C1GALT1: variants seen among roughly 807,000 people sequenced by gnomAD.
C1GALT1 encodes the protein glycoprotein-N-acetylgalactosamine 3-beta-galactosyltransferase 1.
C1GALT1 carries 11 observed loss-of-function variants against 31.0 expected under a neutral mutation model. The observed-to-expected ratio is 0.36, with a 90% CI of 0.22 to 0.59. The LOEUF (loss-of-function observed/expected upper bound fraction) is 0.59. Ranked by LOEUF, C1GALT1 falls within the 20% of genes least tolerant of loss-of-function variation. C1GALT1 has a pLI of 0.79. For synonymous variants in C1GALT1, 175 were observed against 143.6 expected, an observed-to-expected ratio of 1.22 and a Z score of -1.56; for missense variants, 424 against 425.2, an observed-to-expected ratio of 1.00 and a Z score of 0.03.
chr7:7,168,968 G>T (rs1389661672), intron 2 of C1GALT1, among the ~76,000 whole-genome samples: 1 of 152,156 alleles, frequency 6.6e-6, no homozygotes, highest in Non-Finnish European at 1.5e-5. Context: ...ACCACTATCT[G>T]TTAATGAAGC....
intron 1 of C1GALT1, chr7:7,183,639 G>C: frequency 3.1e-6 from 3 of 976,662 alleles, no homozygotes; most frequent in Non-Finnish European, 3.6e-6. Context: ...TAGCGCTGTG[G>C]ATTTATTCTT....
chr7:7,204,342 C>T (rs1781648464), intron 1 of C1GALT1, among the ~76,000 whole-genome samples: 1 of 151,928 alleles, frequency 6.6e-6, no homozygotes, highest in African/African-American at 2.4e-5. Context: ...CTAGGTTATG[C>T]AGTTGTTGAC....
At chr7:7,181,738 G>A (rs1780592938), upstream of C1GALT1, among the ~76,000 whole-genome samples, 1 of 152,110 alleles carries the variant, frequency 6.6e-6, no homozygotes, top group Non-Finnish European at 1.5e-5. Flanking sequence ...GCTTGGATAG[G>A]GCATTTAAAG....
chr7:7,236,317 AACCTGTCTT>A (rs1783348161), intron 2 of C1GALT1, among the ~76,000 whole-genome samples: 1 of 152,150 alleles, frequency 6.6e-6, no homozygotes, highest in South Asian at 2.1e-4. Context: ...GCGGTGGACA[AACCTGTCTT>A]ACCTGAATGA....
At chr7:7,234,638 T>A in intron 2 of C1GALT1, 99 bp downstream of exon 2, 1 of 797,002 alleles carries the variant, frequency 1.3e-6, no homozygotes. Flanking sequence ...GGCTATATAT[T>A]CCAGATATTA....
intron 2 of C1GALT1, among the ~76,000 whole-genome samples, chr7:7,170,698 C>T (rs1182690491): frequency 6.6e-6 from 1 of 152,200 alleles, no homozygotes; most frequent in Non-Finnish European, 1.5e-5. Flanking sequence ...AAGAGAATCA[C>T]TTGAACCCAG....
chr7:7,191,797 T>G (rs1406443970), intron 1 of C1GALT1, among the ~76,000 whole-genome samples: 1 of 151,974 alleles, frequency 6.6e-6, no homozygotes, highest in African/African-American at 2.4e-5. Context: ...TATTTGAGTC[T>G]TTTGCACATT....
intron 2 of C1GALT1, among the ~76,000 whole-genome samples, chr7:7,175,168 G>A (rs73043789): frequency 0.057 from 8,737 of 152,204 alleles, 334 homozygotes; most frequent in East Asian, 0.17. Context: ...CAGTTTATTT[G>A]ATGCCTGTCT....
chr7:7,174,989 G>A (rs74439276), intron 2 of C1GALT1, among the ~76,000 whole-genome samples: 3,647 of 152,000 alleles, frequency 0.024, 132 homozygotes, highest in African/African-American at 0.083. Context: ...CATTTATTTT[G>A]TTCCTTTGAA....
Position 7,238,596 on chromosome 7 carries a change from C to T in C1GALT1, c.562C>T (p.Pro188Ser), listed in dbSNP as rs749646834. The change falls in exon 3 of 4, where the codon CCT becomes TCT. Residue 188 changes from proline (P) to serine (S), a missense_variant. Pro to Ser is a moderately conservative substitution (Grantham distance 74). Transcript: ENST00000436587. The surrounding 1 kb of genome is among the most constrained non-coding windows in gnomAD (Gnocchi z 5.2). Reference protein sequence around the residue: ...NLRWLLSKYDPEEPIYFGRRF... With the variant: ...NLRWLLSKYDSEEPIYFGRRF... ...GAGGTGGCTTCTTTCAAAATACGAC[C>T]CTGAAGAACCCATTTACTTTGGGAG... The T allele has an allele frequency of 3.7e-6, 6 of 1,613,970 alleles. No homozygotes were observed. In the East Asian group the frequency reaches 1.3e-4, roughly 36 times the overall value.
chr7:7,179,637 C>T (rs902363804), upstream of C1GALT1, among the ~76,000 whole-genome samples: 2 of 152,096 alleles, frequency 1.3e-5, no homozygotes, highest in Non-Finnish European at 2.9e-5. Flanking sequence ...TTGATACTTA[C>T]AACAGACAAT....
In C1GALT1 at chr7:7,185,841, G is replaced by A. The variant is rs146507132; in HGVS notation, c.-18+3021G>A. On this transcript the variant is annotated intron_variant, in intron 1 of 3. Transcript: ENST00000436587. ...AGTTGCACGGTTTATCTTTTACATC[G>A]TTCAGTAAATGTTTAGCATTATAGA... is the stretch of plus-strand genomic sequence containing the variant. Among the ~76,000 whole-genome samples, 21 of 152,304 alleles carry A rather than the reference G, an allele frequency of 1.4e-4. No homozygotes were observed. The East Asian group carries it at 1.9e-3, about 14-fold the overall frequency.
intron 1 of C1GALT1, among the ~76,000 whole-genome samples, chr7:7,213,846 C>T (rs974420725): frequency 1.3e-5 from 2 of 152,082 alleles, no homozygotes; most frequent in African/African-American, 4.8e-5. Flanking sequence ...TCTTGCTATG[C>T]GTTTATTTCA....
At chr7:7,188,059 T>A (rs1318156683) in intron 1 of C1GALT1, among the ~76,000 whole-genome samples, 1 of 152,032 alleles carries the variant, frequency 6.6e-6, no homozygotes, top group Non-Finnish European at 1.5e-5. Context: ...GGTTAGATAT[T>A]GTAATAGCCT....
At chr7:7,208,847 G>A (rs1311424160) in intron 1 of C1GALT1, among the ~76,000 whole-genome samples, 4 of 152,184 alleles carry the variant, frequency 2.6e-5, no homozygotes, top group Admixed American at 1.3e-4. Flanking sequence ...GGGTGGGGTC[G>A]GTAGCTGCTG....
At chr7:7,157,911 C>G (rs1422451591) in intron 2 of C1GALT1, among the ~76,000 whole-genome samples, 3 of 152,146 alleles carry the variant, frequency 2.0e-5, no homozygotes, top group Non-Finnish European at 2.9e-5. Context: ...GTATTTTCCT[C>G]CCAGGCATGT....
intron 1 of C1GALT1, among the ~76,000 whole-genome samples, chr7:7,230,622 C>CTTTT (rs57276821): frequency 8.2e-6 from 1 of 121,522 alleles, no homozygotes; most frequent in South Asian, 2.7e-4. Context: ...TCTATATTCC[C>CTTTT]TTTTTTTTTT....
intron 1 of C1GALT1, among the ~76,000 whole-genome samples, chr7:7,223,595 T>C (rs1782611756): frequency 6.6e-6 from 1 of 152,198 alleles, no homozygotes. Flanking sequence ...TATTTTGGCA[T>C]GTGTATCTTA....
intron 1 of C1GALT1, among the ~76,000 whole-genome samples, chr7:7,193,394 C>T (rs959394519): frequency 6.6e-6 from 1 of 152,216 alleles, no homozygotes; most frequent in Admixed American, 6.5e-5. Flanking sequence ...TACCCCAGTA[C>T]CATCTGTTGA....
Sources: gnomAD v4.1 joint callset for allele counts (sites outside exome capture counted in the v4.1 genomes callset) on GRCh38, gnomAD v4.1.1 for gene constraint, Gnocchi (gnomAD v3.1) non-coding constraint, MANE v1.5 for transcripts, NCBI Gene and HGNC (gene_info 2026-07-23, HGNC 2026-07-21) for gene names.